Variants in IL1RAPL1 observed in about 807,000 individuals in gnomAD.
IL1RAPL1 encodes interleukin 1 receptor accessory protein like 1.
IL1RAPL1 carries 3 observed loss-of-function variants against 48.4 expected under a neutral mutation model. The observed-to-expected ratio is 0.06, with a 90% CI of 0.03 to 0.16. IL1RAPL1 has a LOEUF of 0.16. IL1RAPL1 is among the 10% of genes least tolerant of loss of function. The pLI is 1.00. For missense variants in IL1RAPL1, 349 were observed against 530.6 expected, an observed-to-expected ratio of 0.66 and a Z score of 3.36; for synonymous variants, 185 against 187.7, an observed-to-expected ratio of 0.99 and a Z score of 0.12.
intron 1 of IL1RAPL1, among the ~76,000 whole-genome samples, chrX:28,779,632 GTGTATATATATATA>G (rs1936397789): frequency 1.8e-5 from 1 of 54,681 alleles, no homozygotes; most frequent in East Asian, 9.0e-4. Flanking sequence ...GTGTGTGTGT[GTGTATATATATATA>G]TATATATATA....
intron 5 of IL1RAPL1, among the ~76,000 whole-genome samples, chrX:29,649,438 C>T (rs766522167): frequency 8.1e-5 from 9 of 111,604 alleles, no homozygotes; most frequent in African/African-American, 1.3e-4. Context: ...AAGGATAGTT[C>T]GCATACACAA....
chrX:29,296,756 T>C (rs1198540353), intron 3 of IL1RAPL1, among the ~76,000 whole-genome samples: 1 of 111,330 alleles, frequency 9.0e-6, no homozygotes, highest in Non-Finnish European at 1.9e-5. Context: ...TATTTTAAGT[T>C]CCGGTTTCCA....
At chrX:29,067,259 T>A (rs933870448) in intron 2 of IL1RAPL1, among the ~76,000 whole-genome samples, 1 of 111,604 alleles carries the variant, frequency 9.0e-6, no homozygotes, top group African/African-American at 3.3e-5. Flanking sequence ...AAGTGTTAAA[T>A]GCCACTGTAC....
intron 3 of IL1RAPL1, among the ~76,000 whole-genome samples, chrX:29,285,622 C>T (rs752545708): frequency 9.5e-6 from 1 of 105,734 alleles, no homozygotes; most frequent in African/African-American, 3.5e-5. Flanking sequence ...ATGACACTTG[C>T]CATATGTTCA....
At chrX:29,175,792 G>T (rs940159000) in intron 2 of IL1RAPL1, among the ~76,000 whole-genome samples, 8 of 92,600 alleles carry the variant, frequency 8.6e-5, no homozygotes, top group Non-Finnish European at 1.6e-4. Flanking sequence ...GTTGCATTGA[G>T]CCAAGATCAT....
intron 2 of IL1RAPL1, among the ~76,000 whole-genome samples, chrX:29,230,312 C>T (rs147183684): frequency 9.2e-6 from 1 of 108,385 alleles, no homozygotes; most frequent in Non-Finnish European, 1.9e-5. Flanking sequence ...AAATTAGGAG[C>T]TTTAGGGCAT....
intron 2 of IL1RAPL1, among the ~76,000 whole-genome samples, chrX:28,790,390 A>G (rs1414518803): frequency 8.9e-6 from 1 of 112,785 alleles, no homozygotes; most frequent in Non-Finnish European, 1.9e-5. Context: ...TGAAGCAAAC[A>G]TCTTAACCAT....
intron 5 of IL1RAPL1, among the ~76,000 whole-genome samples, chrX:29,545,201 AT>A: frequency 9.4e-6 from 1 of 106,662 alleles, no homozygotes; most frequent in African/African-American, 3.5e-5. Flanking sequence ...CTATCTATCT[AT>A]CTATCTATCT....
intron 6 of IL1RAPL1, among the ~76,000 whole-genome samples, chrX:29,686,181 C>T (rs757116214): frequency 9.0e-6 from 1 of 111,558 alleles, no homozygotes; most frequent in Admixed American, 9.5e-5. Context: ...CTAAGATTCT[C>T]ATAGTTTATT....
chrX:29,880,602 T>A (rs1249478439), intron 6 of IL1RAPL1, among the ~76,000 whole-genome samples: 1 of 112,312 alleles, frequency 8.9e-6, no homozygotes, highest in African/African-American at 3.2e-5. Flanking sequence ...TTAGCTGGAA[T>A]AAAAAATTTC....
At chrX:29,173,848 C>A (rs1429905789) in intron 2 of IL1RAPL1, among the ~76,000 whole-genome samples, 1 of 111,383 alleles carries the variant, frequency 9.0e-6, no homozygotes, top group African/African-American at 3.3e-5. Context: ...CAATATAAGC[C>A]GCATAATGCT....
At chrX:29,490,860 A>ATG (rs1479579847) in intron 5 of IL1RAPL1, among the ~76,000 whole-genome samples, 1 of 106,687 alleles carries the variant, frequency 9.4e-6, no homozygotes, top group Non-Finnish European at 1.9e-5. Context: ...GTGTATATAT[A>ATG]TATATTCTGA....
chrX:29,753,418 A>G (rs1201002061), intron 6 of IL1RAPL1, among the ~76,000 whole-genome samples: 4 of 111,822 alleles, frequency 3.6e-5, no homozygotes, highest in South Asian at 7.4e-4. Context: ...TTTCTATTCA[A>G]ATAACCAGTT....
intron 6 of IL1RAPL1, among the ~76,000 whole-genome samples, chrX:29,791,381 T>C (rs2147162576): frequency 9.0e-6 from 1 of 111,005 alleles, no homozygotes; most frequent in African/African-American, 3.3e-5. Flanking sequence ...AAAAATTAAT[T>C]TATTGAAGCA....
chrX:28,843,620 TG>T (rs1431000901), intron 2 of IL1RAPL1, among the ~76,000 whole-genome samples: 3 of 112,384 alleles, frequency 2.7e-5, no homozygotes, highest in Non-Finnish European at 5.6e-5. Context: ...AATGAATCTT[TG>T]GATTTTGTAA....
At chrX:29,693,014 T>C (rs1218364333) in intron 6 of IL1RAPL1, among the ~76,000 whole-genome samples, 2 of 112,086 alleles carry the variant, frequency 1.8e-5, no homozygotes, top group African/African-American at 6.5e-5. Flanking sequence ...GTTTCACATT[T>C]GGCATAAAAG....
chrX:29,347,644 C>T (rs919516960), intron 3 of IL1RAPL1, among the ~76,000 whole-genome samples: 3 of 110,947 alleles, frequency 2.7e-5, no homozygotes, highest in African/African-American at 9.8e-5. Flanking sequence ...CCCACCTTAG[C>T]TTCCCAAAGT....
At chrX:29,073,778 C>T (rs936388478) in intron 2 of IL1RAPL1, among the ~76,000 whole-genome samples, 3 of 111,482 alleles carry the variant, frequency 2.7e-5, no homozygotes, top group African/African-American at 6.5e-5. Flanking sequence ...CCCACTAACT[C>T]TTTTATTTTT....
chrX:28,834,848 T>C (rs1355920274), intron 2 of IL1RAPL1, among the ~76,000 whole-genome samples: 1 of 111,707 alleles, frequency 9.0e-6, no homozygotes, highest in Non-Finnish European at 1.9e-5. Context: ...TCAGGCATTG[T>C]ACTATGCCTG....
Sources: allele counts gnomAD v4.1 joint callset (sites outside exome capture counted in the v4.1 genomes callset), GRCh38; gene constraint gnomAD v4.1.1; transcripts MANE v1.5; gene names NCBI Gene and HGNC (gene_info 2026-07-23, HGNC 2026-07-21).